AKR1B1: variants seen among roughly 807,000 people sequenced by gnomAD.
The protein encoded by AKR1B1 is aldo-keto reductase family 1 member B.
AKR1B1 carries 22 observed loss-of-function variants against 40.4 expected under a neutral mutation model. That is an observed-to-expected ratio of 0.54 (90% CI 0.39 to 0.78). The LOEUF (loss-of-function observed/expected upper bound fraction) is 0.78, where lower values mean the gene tolerates loss of function less well. Among genes scored for constraint, AKR1B1 ranks in the 30% least tolerant of loss-of-function variants. AKR1B1 has a pLI of 0.00. For synonymous variants in AKR1B1, 157 were observed against 149.9 expected (o/e 1.05, Z -0.35); for missense variants, 357 against 396.7 (o/e 0.90, Z 0.85).
At chr7:134,444,988 T>C (rs752652473) in intron 9 of AKR1B1, 19 of 589,076 alleles carry the variant, frequency 3.2e-5, no homozygotes, top group South Asian at 2.1e-4. Flanking sequence ...AGCCAAAATA[T>C]GTAGTTACTT....
At chr7:134,452,219 C>T (rs1708427) in intron 1 of AKR1B1, among the ~76,000 whole-genome samples, 673 of 152,314 alleles carry the variant, frequency 4.4e-3, no homozygotes, top group African/African-American at 0.015. Flanking sequence ...CTTACGCTCT[C>T]TTTTCATGCA....
chr7:134,451,481 A>T (rs529543579), intron 2 of AKR1B1, 105 bp downstream of exon 2: 1 of 1,389,120 alleles, frequency 7.2e-7, no homozygotes, highest in East Asian at 2.3e-5. Flanking sequence ...AGAATCGCCC[A>T]TCAGTGAAAA....
At chr7:134,454,959 T>G (rs1412938320) in intron 1 of AKR1B1, among the ~76,000 whole-genome samples, 1 of 152,182 alleles carries the variant, frequency 6.6e-6, no homozygotes, top group South Asian at 2.1e-4. Flanking sequence ...CTTATTTAAA[T>G]GTCTTTGGTC....
intron 1 of AKR1B1, among the ~76,000 whole-genome samples, chr7:134,456,915 CCT>C (rs1363538413): frequency 2.0e-5 from 3 of 151,890 alleles, no homozygotes; most frequent in Non-Finnish European, 2.9e-5. Flanking sequence ...AATCTGAAAC[CCT>C]CTTTCATAAA....
At position 134,451,567 on chromosome 7, in the gene AKR1B1, C is replaced by G; in HGVS notation, c.234+19G>C. 1.2e-6 allele frequency: 2 copies of G among 1,613,028 alleles called. No homozygotes were observed. The highest frequency in any genetic ancestry group is 1.7e-6 in the Non-Finnish European group (2 of 1,179,926). On this transcript the variant is annotated intron_variant, in intron 2 of 9. Transcript: ENST00000285930. ...TGATGGGACCGAGAGCCCCTTCCAGCCCCACCGCGGAACGATACCTTGCTG... is the reference window on the plus strand; with the variant it reads ...TGATGGGACCGAGAGCCCCTTCCAGGCCCACCGCGGAACGATACCTTGCTG...
At position 134,442,787 on chromosome 7, in the gene AKR1B1, G is replaced by T. The variant is rs777525567; in HGVS notation, c.909-17C>A. ...GAGGTACAGCTGTCAGGAGAAAGGAGAAAACAGTTGCTTTTTGAAGAGGTG... is the reference window on the plus strand; with the variant it reads ...GAGGTACAGCTGTCAGGAGAAAGGATAAAACAGTTGCTTTTTGAAGAGGTG... On this transcript the variant is annotated splice_polypyrimidine_tract_variant and intron_variant, in intron 9 of 9. Coordinates refer to ENST00000285930, the MANE Select transcript of AKR1B1 (RefSeq NM_001628.4). The T allele has an allele frequency of 6.2e-7, 1 of 1,613,570 alleles. No individual in the cohort carries two copies. The highest frequency in any genetic ancestry group is 8.5e-7 in the Non-Finnish European group (1 of 1,179,658).
chr7:134,445,402 C>T, intron 8 of AKR1B1, 82 bp from the exon 9 acceptor site: 1 of 1,181,208 alleles, frequency 8.5e-7, no homozygotes, highest in Non-Finnish European at 1.2e-6. Flanking sequence ...AGATGTCTTC[C>T]ATGGCTTTGA....
At position 134,449,105 on chromosome 7, in the gene AKR1B1, C is replaced by T; in HGVS notation, c.444G>A (p.Leu148=). 6.2e-7 allele frequency: 1 copy of T among 1,613,804 alleles called. No individual in the cohort carries two copies. The highest frequency in any genetic ancestry group is 8.5e-7 in the Non-Finnish European group (1 of 1,180,030). The change falls in exon 5 of 10, where the codon CTG becomes CTA. Residue 148 remains leucine, a synonymous_variant. Coordinates refer to ENST00000285930, the MANE Select transcript of AKR1B1 (RefSeq NM_001628.4). ...ILDTWAAMEE[L]VDEGLVKAIG... Reference sequence around the variant, plus strand: ...TAGCTTTCACCAGCCCTTCATCCACCAGCTCTTCCATGGCCTACAGAGAAA... The same window carrying T: ...TAGCTTTCACCAGCCCTTCATCCACTAGCTCTTCCATGGCCTACAGAGAAA...
In AKR1B1 at chr7:134,454,557, C is replaced by T. The variant is rs143136114; in HGVS notation, c.67-2804G>A. Among the ~76,000 whole-genome samples the T allele has an allele frequency of 4.1e-3, 626 of 152,312 alleles. 2 individuals are homozygous for T. Among genetic ancestry groups the T allele is most frequent in the African/African-American group, 0.014 (600 of 41,562 alleles). Reference sequence around the variant, plus strand: ...CAAGCCACAGTGCTAAACAGGAAGACGGTCACAGGACAGTGTTTATGGTAA... The same window carrying T: ...CAAGCCACAGTGCTAAACAGGAAGATGGTCACAGGACAGTGTTTATGGTAA... On this transcript the variant is annotated intron_variant, in intron 1 of 9. Transcript: ENST00000285930.
intron 3 of AKR1B1, among the ~76,000 whole-genome samples, chr7:134,450,202 G>A (rs1806241049): frequency 6.6e-6 from 1 of 152,228 alleles, no homozygotes; most frequent in African/African-American, 2.4e-5. Flanking sequence ...ATGCTGTGGT[G>A]CAATAAAACA....
intron 8 of AKR1B1, 81 bp downstream of exon 8, chr7:134,447,217 A>C (rs1806126416): frequency 1.6e-6 from 2 of 1,257,544 alleles, no homozygotes; most frequent in Non-Finnish European, 2.3e-6. Context: ...CCCACAGATG[A>C]CACTCCAGAG....
At chr7:134,449,338 G>A in intron 4 of AKR1B1, 1 of 628,648 alleles carries the variant, frequency 1.6e-6, no homozygotes, top group South Asian at 1.8e-5. Context: ...TGTAATCCCA[G>A]CACTTTGGGA....
intron 4 of AKR1B1, chr7:134,449,375 A>G (rs1056306470): frequency 1.0e-5 from 6 of 572,196 alleles, no homozygotes; most frequent in East Asian, 6.1e-5. Context: ...TCACGAGGTC[A>G]GGAGATCAAG....
upstream of AKR1B1, chr7:134,459,206 G>T (rs759853): frequency 1.0e-6 from 1 of 980,868 alleles, no homozygotes; most frequent in South Asian, 1.6e-5. Context: ...TGGTTGCGCT[G>T]GGGGTGCCGC....
At chr7:134,444,170 A>G (rs2117445385) in intron 9 of AKR1B1, among the ~76,000 whole-genome samples, 1 of 152,312 alleles carries the variant, frequency 6.6e-6, no homozygotes, top group South Asian at 2.1e-4. Context: ...TGTCCACTAG[A>G]TCCAAAAATG....
intron 1 of AKR1B1, among the ~76,000 whole-genome samples, chr7:134,452,208 C>G (rs1312085006): frequency 6.6e-6 from 1 of 152,192 alleles, no homozygotes; most frequent in Non-Finnish European, 1.5e-5. Flanking sequence ...AATGCCTGCC[C>G]CTTACGCTCT....
intron 9 of AKR1B1, among the ~76,000 whole-genome samples, chr7:134,443,382 C>T (rs1334209562): frequency 6.6e-6 from 1 of 151,868 alleles, no homozygotes; most frequent in Non-Finnish European, 1.5e-5. Context: ...CATTACATTC[C>T]AGCCTGGGTG....
In AKR1B1 at chr7:134,448,480, G is replaced by T. The variant is rs755384865; in HGVS notation, c.566C>A (p.Pro189Gln). The change falls in exon 6 of 10, where the codon CCA (proline) becomes CAA (glutamine). Residue 189 changes from proline (P) to glutamine (Q), a missense_variant. Coordinates refer to ENST00000285930, the MANE Select transcript of AKR1B1 (RefSeq NM_001628.4). ...KPAVNQIECH[P>Q]YLTQEKLIQY... ...GATTAACTTCTCCTGAGTGAGATAT[G>T]GGTGGCACTCAATCTGCAAATGCAA... 2.5e-6 allele frequency: 4 copies of T among 1,613,686 alleles called. No homozygotes were observed. The highest frequency in any genetic ancestry group is 2.5e-6 in the Non-Finnish European group (3 of 1,179,638).
chr7:134,459,005 T>C lies in AKR1B1; in HGVS notation c.58A>G (p.Thr20Ala), dbSNP rs759994468. 66 of 1,607,744 alleles carry C rather than the reference T, an allele frequency of 4.1e-5. No homozygotes were observed. The highest frequency in any genetic ancestry group is 5.4e-5 in the Non-Finnish European group (64 of 1,177,748). Residue 20 changes from threonine (T) to alanine (A), a missense_variant, in exon 1 of 10, where the codon ACC becomes GCC. Coordinates refer to ENST00000285930, the MANE Select transcript of AKR1B1 (RefSeq NM_001628.4). The part of the protein sequence containing the change: ...GAKMPILGLG[T>A]WKSPPGQVTE... ...CCCCCACGAGCACCTACCTTCCAGG[T>C]ACCCAACCCCAGGATGGGCATCTTG...
Sources: gnomAD v4.1 joint callset for allele counts (sites outside exome capture counted in the v4.1 genomes callset) on GRCh38, gnomAD v4.1.1 for gene constraint, MANE v1.5 for transcripts, NCBI Gene and HGNC (gene_info 2026-07-23, HGNC 2026-07-21) for gene names.